The following ASXL3 variants were observed in gnomAD, a reference collection of about 807,000 sequenced individuals.
ASXL3 encodes putative Polycomb group protein ASXL3.
A neutral mutation model predicts 170.6 loss-of-function variants in ASXL3; 34 were observed. The observed-to-expected ratio is 0.20, with a 90% CI of 0.15 to 0.27. ASXL3 has a LOEUF of 0.27. ASXL3 is among the 10% of genes least tolerant of loss of function. ASXL3 has a pLI of 1.00. For synonymous variants in ASXL3, 1,002 were observed against 989.1 expected, an observed-to-expected ratio of 1.01 and a Z score of -0.24; for missense variants, 2,592 against 2,695.3, an observed-to-expected ratio of 0.96 and a Z score of 0.85.
chr18:33,739,874 C>T lies in ASXL3; in HGVS notation c.2470C>T (p.Pro824Ser). 2 of 1,613,910 alleles carry T rather than the reference C, an allele frequency of 1.2e-6. No individual in the cohort carries two copies. Among genetic ancestry groups the T allele is most frequent in the Non-Finnish European group, 1.7e-6 (2 of 1,179,850 alleles). Reference protein sequence around the residue: ...SSSSIAPEAFPSEDLHNKTLS... With the variant: ...SSSSIAPEAFSSEDLHNKTLS... ...TTCTTCCATTGCTCCTGAAGCATTTCCGTCTGAAGATTTGCACAATAAGAC... is the reference window on the plus strand; with the variant it reads ...TTCTTCCATTGCTCCTGAAGCATTTTCGTCTGAAGATTTGCACAATAAGAC... Residue 824 changes from proline (P) to serine (S), a missense_variant, in exon 11 of 12, where the codon CCG becomes TCG. By Grantham distance (74) the Pro-to-Ser change is moderately conservative. Around this residue, in one of 4 missense-constraint regions of ASXL3, gnomAD observed 2,246 missense variants for 2,219.6 expected, o/e 1.01. Coordinates refer to ENST00000269197, the MANE Select transcript of ASXL3 (RefSeq NM_030632.3).
At chr18:33,701,264 G>T (rs1203521925) in intron 8 of ASXL3, among the ~76,000 whole-genome samples, 1 of 151,564 alleles carries the variant, frequency 6.6e-6, no homozygotes, top group Non-Finnish European at 1.5e-5. Flanking sequence ...AGATGGTTTT[G>T]TCTATTCTGG....
In ASXL3 at chr18:33,594,334, A is replaced by G. The variant is rs77870236; in HGVS notation, c.55-13260A>G. Among the ~76,000 whole-genome samples, 817 of 152,298 alleles carry G rather than the reference A, an allele frequency of 5.4e-3. 6 individuals carry two copies. The highest frequency in any genetic ancestry group is 0.019 in the African/African-American group (775 of 41,566). ...GGGTATTTTGATCACATGAAAGTTA[A>G]TAATTTTTCTTCGTTCTGTCATCAA... On this transcript the variant is annotated intron_variant, in intron 1 of 11. Transcript: ENST00000269197.
chr18:33,654,879 T>C (rs2066059239), intron 4 of ASXL3, among the ~76,000 whole-genome samples: 1 of 152,104 alleles, frequency 6.6e-6, no homozygotes, highest in African/African-American at 2.4e-5. Flanking sequence ...GTTTTCTCTC[T>C]TCTGTGTTTA....
At chr18:33,585,800 T>C (rs2065029959) in intron 1 of ASXL3, among the ~76,000 whole-genome samples, 1 of 152,188 alleles carries the variant, frequency 6.6e-6, no homozygotes, top group Non-Finnish European at 1.5e-5. Flanking sequence ...GCTTAGGAAT[T>C]GTAAGATTTT....
At chr18:33,650,811 G>A (rs963841380) in intron 4 of ASXL3, among the ~76,000 whole-genome samples, 2 of 152,060 alleles carry the variant, frequency 1.3e-5, no homozygotes, top group African/African-American at 4.8e-5. Flanking sequence ...ATTTCCTTGA[G>A]TATTCCTTGA....
At chr18:33,669,572 G>A (rs1025027544) in intron 5 of ASXL3, among the ~76,000 whole-genome samples, 2 of 152,036 alleles carry the variant, frequency 1.3e-5, no homozygotes, top group African/African-American at 4.8e-5. Flanking sequence ...AAATCTTATG[G>A]TTGACAAGTT....
At chr18:33,681,204 G>C (rs908551133) in intron 7 of ASXL3, among the ~76,000 whole-genome samples, 3 of 151,870 alleles carry the variant, frequency 2.0e-5, no homozygotes, top group Admixed American at 2.0e-4. Flanking sequence ...CACTTTGTTT[G>C]ATTCCTCCGT....
At chr18:33,654,611 T>C (rs928226038) in intron 4 of ASXL3, among the ~76,000 whole-genome samples, 3 of 152,078 alleles carry the variant, frequency 2.0e-5, no homozygotes, top group Non-Finnish European at 4.4e-5. Flanking sequence ...CTGTTTCTCA[T>C]TTTCTAGGCT....
At position 33,745,420 on chromosome 18, in the gene ASXL3, C is replaced by G; in HGVS notation, c.5572C>G (p.Pro1858Ala). 3 of 1,613,930 alleles carry G rather than the reference C, an allele frequency of 1.9e-6. No homozygotes were observed. In the South Asian group the frequency reaches 3.3e-5, roughly 18 times the overall value. ...LLVEPDVKGVPCVISSGISQL... is the reference protein window; with the variant it reads ...LLVEPDVKGVACVISSGISQL... ...GGTGGAGCCAGATGTTAAAGGGGTG[C>G]CTTGTGTCATCAGTTCCGGCATCAG... Residue 1858 changes from proline (P) to alanine (A), a missense_variant, in exon 12 of 12, where the codon CCT (proline) becomes GCT (alanine). Transcript: ENST00000269197.
At chr18:33,629,243 T>C (rs1258454389) in intron 2 of ASXL3, among the ~76,000 whole-genome samples, 3 of 152,154 alleles carry the variant, frequency 2.0e-5, no homozygotes, top group South Asian at 2.1e-4. Flanking sequence ...TAGTGAGATA[T>C]TGATTTCATG....
chr18:33,645,085 A>G, intron 3 of ASXL3, 83 bp downstream of exon 3: 1 of 868,100 alleles, frequency 1.2e-6, no homozygotes, highest in Non-Finnish European at 1.7e-6. Context: ...ATTAGATTTG[A>G]AGAGTAGAAG....
chr18:33,688,691 A>G (rs1457569957), intron 8 of ASXL3, among the ~76,000 whole-genome samples: 1 of 152,208 alleles, frequency 6.6e-6, no homozygotes, highest in African/African-American at 2.4e-5. Flanking sequence ...CAATGTGCCA[A>G]TCATATGTAG....
At chr18:33,590,096 G>A (rs2065064210) in intron 1 of ASXL3, among the ~76,000 whole-genome samples, 1 of 117,928 alleles carries the variant, frequency 8.5e-6, no homozygotes, top group Non-Finnish European at 1.7e-5. Context: ...TGTCGTCAAG[G>A]TATTTGCTTT....
chr18:33,663,216 A>G (rs2066205060), intron 5 of ASXL3, among the ~76,000 whole-genome samples: 1 of 152,182 alleles, frequency 6.6e-6, no homozygotes. Context: ...TGCAGGTAAT[A>G]AAATACTAAC....
chr18:33,641,458 C>G (rs1355729875), intron 2 of ASXL3, among the ~76,000 whole-genome samples: 1 of 151,798 alleles, frequency 6.6e-6, no homozygotes, highest in Non-Finnish European at 1.5e-5. Context: ...AGGAAAGGGC[C>G]CAATTGTAGG....
chr18:33,718,273 C>A (rs926877147), intron 8 of ASXL3, among the ~76,000 whole-genome samples: 2 of 152,094 alleles, frequency 1.3e-5, no homozygotes, highest in African/African-American at 4.8e-5. Context: ...ATCCCATAGA[C>A]CCATATCCCA....
chr18:33,744,858 T>G lies in ASXL3; in HGVS notation c.5010T>G (p.Ser1670=). ...CAAATGTTGCTCTTCCTGTGAAATC[T>G]GAACTTCACGAAGCAGACAAGGGCT... is the stretch of plus-strand genomic sequence containing the variant. ...LVTNVALPVK[S]ELHEADKGFR... is the part of the protein sequence containing the mutation. Residue 1670 remains serine (S), a synonymous_variant, in exon 12 of 12, where the codon TCT becomes TCG. Transcript: ENST00000269197. 6.2e-7 allele frequency: 1 copy of G among 1,614,052 alleles called. No individual in the cohort carries two copies. The highest frequency in any genetic ancestry group is 1.3e-5 in the African/African-American group (1 of 75,062).
chr18:33,697,741 T>C (rs747802001), intron 8 of ASXL3, among the ~76,000 whole-genome samples: 11 of 152,030 alleles, frequency 7.2e-5, no homozygotes, highest in Admixed American at 2.0e-4. Context: ...CAGTGACTCA[T>C]GCCTGTAATC....
At chr18:33,587,650 T>G (rs2065045639) in intron 1 of ASXL3, among the ~76,000 whole-genome samples, 1 of 152,074 alleles carries the variant, frequency 6.6e-6, no homozygotes, top group South Asian at 2.1e-4. Flanking sequence ...TCATTCTTAC[T>G]CTCTCCTGAA....
Sources: gnomAD v4.1 joint callset for allele counts (sites outside exome capture counted in the v4.1 genomes callset) on GRCh38, gnomAD v4.1.1 for gene constraint, gnomAD v4.1.1 regional missense constraint, MANE v1.5 for transcripts, NCBI Gene and HGNC (gene_info 2026-07-23, HGNC 2026-07-21) for gene names.